Variants in GAB2 observed in about 807,000 individuals in gnomAD.
GAB2 encodes the protein GRB2-associated-binding protein 2.
Under a neutral mutation model 65.5 loss-of-function variants are expected in GAB2, and 26 were observed. The observed-to-expected ratio is 0.40, with a 90% CI of 0.29 to 0.55. The LOEUF (loss-of-function observed/expected upper bound fraction) is 0.55. Among genes scored for constraint, GAB2 ranks in the 20% least tolerant of loss-of-function variants. The pLI, the probability that GAB2 is intolerant of heterozygous loss-of-function variation, is 0.53. For missense variants in GAB2, 884 were observed against 875.8 expected (o/e 1.01, Z -0.12); for synonymous variants, 321 against 329.6 (o/e 0.97, Z 0.28).
chr11:78,335,072 C>A (rs1855975856), intron 1 of GAB2, among the ~76,000 whole-genome samples: 1 of 152,136 alleles, frequency 6.6e-6, no homozygotes. Context: ...AAATCTTTGG[C>A]CCATTTAAAA....
intron 1 of GAB2, among the ~76,000 whole-genome samples, chr11:78,300,107 G>A (rs11601866): frequency 0.16 from 23,933 of 152,066 alleles, 2,435 homozygotes; most frequent in East Asian, 0.4. Flanking sequence ...GCCCTTTCCA[G>A]GTGAATCCTC....
intron 1 of GAB2, among the ~76,000 whole-genome samples, chr11:78,399,206 A>C (rs933159867): frequency 6.6e-6 from 1 of 152,228 alleles, no homozygotes; most frequent in Non-Finnish European, 1.5e-5. Context: ...AAGTGGCATC[A>C]AGCCTGCACC....
At chr11:78,282,705 C>T (rs184013396) in intron 1 of GAB2, among the ~76,000 whole-genome samples, 101 of 152,188 alleles carry the variant, frequency 6.6e-4, no homozygotes, top group South Asian at 6.0e-3. Flanking sequence ...CCTACCTACC[C>T]CATAGGGTTA....
intron 1 of GAB2, among the ~76,000 whole-genome samples, chr11:78,286,410 C>T (rs776328752): frequency 6.6e-6 from 1 of 151,960 alleles, no homozygotes; most frequent in Non-Finnish European, 1.5e-5. Context: ...GCTTACCCCA[C>T]GCTGGCATTT....
chr11:78,222,219 G>A, intron 6 of GAB2, 24 bp from the exon 7 acceptor site: 1 of 1,504,292 alleles, frequency 6.6e-7, no homozygotes, highest in Non-Finnish European at 9.3e-7. Context: ...AGAAAGTCTG[G>A]TAATCAGCCA....
At chr11:78,264,454 G>A (rs1342007550) in intron 2 of GAB2, among the ~76,000 whole-genome samples, 1 of 151,546 alleles carries the variant, frequency 6.6e-6, no homozygotes, top group Non-Finnish European at 1.5e-5. Context: ...AGGCTGGAGT[G>A]CAGTGGCACG....
rs1283600845 is a variant in GAB2 at position 78,216,197 on chromosome 11, C to CT, written c.*3074dup. Reference sequence around the variant, plus strand: ...AAGGACTTAAGGAGACACCATCTCCCTATTTCTCATCGTTCTCACTTGACT... The same window carrying CT: ...AAGGACTTAAGGAGACACCATCTCCCTTATTTCTCATCGTTCTCACTTGACT... On this transcript the variant is annotated 3_prime_UTR_variant, in exon 10 of 10. Transcript: ENST00000361507. 3.9e-5 allele frequency: 6 copies of CT among 152,468 alleles called. No individual in the cohort carries two copies. The highest frequency in any genetic ancestry group is 8.8e-5 in the Non-Finnish European group (6 of 68,056). The allele number at this position is 152,468 out of a possible 1,614,324, so 9.4% of individuals were successfully genotyped here. A position where few individuals can be genotyped will look rare whatever the true frequency, so the allele number is the denominator to read the frequency against.
In GAB2 at chr11:78,215,421, TCCCA is replaced by T. The variant is rs1393363435; in HGVS notation, c.*3847_*3850del. 6.6e-6 allele frequency: 1 copy of T among 152,484 alleles called. No individual in the cohort carries two copies. Among genetic ancestry groups the T allele is most frequent in the Non-Finnish European group, 1.5e-5 (1 of 68,008 alleles). The allele number at this position is 152,484 out of a possible 1,614,324, so 9.4% of individuals were successfully genotyped here. ...CATGACCCACTTGAACACACTCCTGTCCCACCCACCGGATAAATATGTTACAATT... is the reference window on the plus strand; with the variant it reads ...CATGACCCACTTGAACACACTCCTGTCCCACCGGATAAATATGTTACAATT... On this transcript the variant is annotated 3_prime_UTR_variant, in exon 10 of 10. Coordinates refer to ENST00000361507, the MANE Select transcript of GAB2 (RefSeq NM_080491.3).
intron 1 of GAB2, among the ~76,000 whole-genome samples, chr11:78,381,480 T>G (rs1856696593): frequency 6.6e-6 from 1 of 152,118 alleles, no homozygotes; most frequent in Admixed American, 6.5e-5. Flanking sequence ...AACTTAGACC[T>G]CCTCACTCCC....
chr11:78,386,774 C>A (rs192859094), intron 1 of GAB2, among the ~76,000 whole-genome samples: 6 of 152,098 alleles, frequency 3.9e-5, no homozygotes, highest in Non-Finnish European at 5.9e-5. Context: ...GAGTAATGAC[C>A]GCAGTCAGGG....
At chr11:78,232,817 T>C (rs1864881036) in intron 3 of GAB2, among the ~76,000 whole-genome samples, 2 of 152,314 alleles carry the variant, frequency 1.3e-5, no homozygotes, top group African/African-American at 4.8e-5. Context: ...ATGTCTAGTC[T>C]ATGCGAGGCA....
chr11:78,352,960 A>G (rs1192195389), intron 1 of GAB2, among the ~76,000 whole-genome samples: 1 of 152,224 alleles, frequency 6.6e-6, no homozygotes, highest in Non-Finnish European at 1.5e-5. Context: ...TGCAACCTCT[A>G]TTATATGGGT....
At chr11:78,379,467 C>T (rs1591075662) in intron 1 of GAB2, among the ~76,000 whole-genome samples, 1 of 152,180 alleles carries the variant, frequency 6.6e-6, no homozygotes, top group East Asian at 1.9e-4. Context: ...TAAGGTAAAG[C>T]TTCTTTTTAG....
intron 1 of GAB2, among the ~76,000 whole-genome samples, chr11:78,399,996 C>A (rs1316883643): frequency 6.6e-6 from 1 of 152,186 alleles, no homozygotes; most frequent in African/African-American, 2.4e-5. Flanking sequence ...ACATTTCACA[C>A]TGAAGAAGTG....
At position 78,366,168 on chromosome 11, in the gene GAB2, T is replaced by C. The variant is rs1284545846; in HGVS notation, c.75+51478A>G. ...TTCCTAGAATAGTGTTTATACAGAG[T>C]TGGCACACAAACATTATCAAGTATT... On this transcript the variant is annotated intron_variant, in intron 1 of 9. Transcript: ENST00000361507. Among the ~76,000 whole-genome samples, 2 of 152,018 alleles carry C rather than the reference T, an allele frequency of 1.3e-5. 1 individual carries two copies. The highest frequency in any genetic ancestry group is 4.1e-4 in the South Asian group (2 of 4,830).
intron 1 of GAB2, among the ~76,000 whole-genome samples, chr11:78,371,423 T>C (rs1206668608): frequency 6.6e-6 from 1 of 152,180 alleles, no homozygotes; most frequent in Admixed American, 6.5e-5. Context: ...TGAGCTAAGG[T>C]GGCTAAAAGA....
intron 1 of GAB2, among the ~76,000 whole-genome samples, chr11:78,406,208 T>C (rs1857042090): frequency 6.6e-6 from 1 of 152,172 alleles, no homozygotes; most frequent in African/African-American, 2.4e-5. Flanking sequence ...TACCTTCCTA[T>C]CGGGAGTGTC....
chr11:78,333,641 T>C (rs1855951869), intron 1 of GAB2, among the ~76,000 whole-genome samples: 1 of 152,202 alleles, frequency 6.6e-6, no homozygotes, highest in Non-Finnish European at 1.5e-5. Context: ...GGTGGTCCTG[T>C]GTGATTAGTC....
At chr11:78,297,535 C>A (rs932645717) in intron 1 of GAB2, among the ~76,000 whole-genome samples, 2 of 152,000 alleles carry the variant, frequency 1.3e-5, no homozygotes, top group African/African-American at 4.8e-5. Context: ...GAACTACTGT[C>A]GTGCACCCAG....
Sources: gnomAD v4.1 joint callset for allele counts (sites outside exome capture counted in the v4.1 genomes callset) on GRCh38, gnomAD v4.1.1 for gene constraint, MANE v1.5 for transcripts, NCBI Gene and HGNC (gene_info 2026-07-23, HGNC 2026-07-21) for gene names.